ROS1: variants seen among roughly 807,000 people sequenced by gnomAD.
ROS1 encodes the protein ROS proto-oncogene 1, receptor tyrosine kinase, also known as proto-oncogene tyrosine-protein kinase ROS.
Under a neutral mutation model 273.5 loss-of-function variants are expected in ROS1, and 263 were observed. That is an observed-to-expected ratio of 0.96 (90% CI 0.87 to 1.06). The LOEUF is 1.06. Among genes scored for constraint, ROS1 ranks in the 50% least tolerant of loss-of-function variants. The probability of loss-of-function intolerance (pLI) is 0.00; values close to 1 mark genes in which losing one functional copy is unlikely to be tolerated. For missense variants in ROS1, 2,833 were observed against 2,751.1 expected (o/e 1.03, Z -0.67); for synonymous variants, 1,008 against 954.1 (o/e 1.06, Z -1.04).
intron 4 of ROS1, among the ~76,000 whole-genome samples, chr6:117,413,448 GTCAAATAACCT>G (rs1775088417): frequency 6.6e-6 from 1 of 152,076 alleles, no homozygotes; most frequent in Non-Finnish European, 1.5e-5. Context: ...ATCATCTATT[GTCAAATAACCT>G]TATTTTGAAG....
rs1406822842 is a variant in ROS1, at chr6:117,344,150, A to G, written c.4416T>C (p.Tyr1472=). 4.3e-6 allele frequency: 7 copies of G among 1,613,858 alleles called. No homozygotes were observed. The highest frequency in any genetic ancestry group is 1.6e-4 in the Middle Eastern group (1 of 6,082). The change falls in exon 28 of 44, where the codon TAT becomes TAC. Residue 1472 remains tyrosine, a synonymous_variant. Coordinates refer to ENST00000368507, the MANE Select transcript of ROS1 (RefSeq NM_001378902.1). ...LPLAKTNLTW[Y]GITSPTPTYL... is the part of the protein sequence containing the mutation. ...ATGTTGGAGTAGGGCTGGTGATGCC[A>G]TACCATGTGAGGTTTGTCTTGGCCA...
rs758255859 is a variant in ROS1, at chr6:117,310,251, G to A, written c.6246C>T (p.Ser2082=). 201 of 1,609,950 alleles carry A rather than the reference G, an allele frequency of 1.2e-4. 1 individual carries two copies. The Admixed American group carries it at 1.5e-3, about 12-fold the overall frequency. Residue 2082 remains serine (S), a synonymous_variant, in exon 41 of 44, where the codon TCC becomes TCT. Transcript: ENST00000368507. ...RDLAARNCLV[S]VKDYTSPRIV... The stretch of plus-strand genomic sequence containing the variant: ...TCCGTGGACTGGTATAGTCTTTCAC[G>A]GAAACAAGGCAATTTCTAGCTGCCA...
intron 16 of ROS1, 94 bp downstream of exon 16, chr6:117,385,589 C>A: frequency 2.0e-6 from 2 of 1,006,660 alleles, no homozygotes; most frequent in South Asian, 1.6e-5. Context: ...AAGTGGTGCA[C>A]AGGTATTTAA....
chr6:117,309,159 C>A (rs1338629470), intron 41 of ROS1, among the ~76,000 whole-genome samples: 2 of 152,182 alleles, frequency 1.3e-5, no homozygotes, highest in Non-Finnish European at 2.9e-5. Flanking sequence ...GGAGGAGGCA[C>A]ACATGTGCAC....
At chr6:117,326,124 TATAG>T (rs2128581235) in intron 34 of ROS1, 96 bp downstream of exon 34, 1 of 298,970 alleles carries the variant, frequency 3.3e-6, no homozygotes. Context: ...TATATATATA[TATAG>T]TCACCATTAT....
chr6:117,296,510 T>C (rs1774254143), intron 43 of ROS1, among the ~76,000 whole-genome samples: 1 of 152,172 alleles, frequency 6.6e-6, no homozygotes, highest in Admixed American at 6.5e-5. Flanking sequence ...AGAATATGTA[T>C]GGAACTGGAG....
Position 117,356,559 on chromosome 6 carries a change from C to T in ROS1, c.4126+70G>A, listed in dbSNP as rs79223156. ...TATTTGAGTATACGCGGAATGCAAG[C>T]CCTTTGTAAATGCAGTTGAAGGGGC... is the stretch of plus-strand genomic sequence containing the variant. On this transcript the variant is annotated intron_variant, in intron 26 of 43. Coordinates refer to ENST00000368507, the MANE Select transcript of ROS1 (RefSeq NM_001378902.1). 4.9e-3 allele frequency: 6,675 copies of T among 1,367,246 alleles called. 150 individuals carry two copies. The African/African-American group carries it at 0.058, about 12-fold the overall frequency. The allele number at this position is 1,367,246 out of a possible 1,614,324, so 84.7% of individuals were successfully genotyped here.
At chr6:117,309,008 C>G (rs2128546694) in intron 41 of ROS1, 80 bp from the exon 42 acceptor site, 1 of 1,414,762 alleles carries the variant, frequency 7.1e-7, no homozygotes, top group Non-Finnish European at 9.8e-7. Context: ...CAACATTTTT[C>G]CTGGGGCTAG....
At chr6:117,320,963 C>T (rs532689061) in intron 36 of ROS1, among the ~76,000 whole-genome samples, 2 of 152,238 alleles carry the variant, frequency 1.3e-5, no homozygotes, top group South Asian at 2.1e-4. Context: ...GGTCAACCAA[C>T]CATGTTACCA....
intron 34 of ROS1, 137 bp from the exon 35 acceptor site, chr6:117,324,552 A>G (rs1776505404): frequency 3.6e-6 from 2 of 563,190 alleles, no homozygotes; most frequent in Non-Finnish European, 6.3e-6. Context: ...GACCGTTGGT[A>G]GCTTGAAAGC....
chr6:117,402,115 C>CAG (rs1773996929), intron 7 of ROS1, among the ~76,000 whole-genome samples: 1 of 152,248 alleles, frequency 6.6e-6, no homozygotes. Context: ...CAAAACCTTA[C>CAG]AGTGACTCTC....
chr6:117,324,519 G>T (rs2128575612), intron 34 of ROS1, 104 bp from the exon 35 acceptor site: 1 of 587,928 alleles, frequency 1.7e-6, no homozygotes, highest in Admixed American at 3.6e-5. Context: ...AGCTACTACT[G>T]GATTTTTGCA....
At chr6:117,329,780 G>A (rs985550287) in intron 32 of ROS1, among the ~76,000 whole-genome samples, 2 of 152,008 alleles carry the variant, frequency 1.3e-5, no homozygotes, top group East Asian at 1.9e-4. Flanking sequence ...CAAGGGGAGC[G>A]GCGAGCGAGC....
Position 117,356,845 on chromosome 6 carries a change from A to C in ROS1, c.3910T>G (p.Leu1304Val), listed in dbSNP as rs768246519. ...MFYYSIISHT[L>V]HRILQPTATN... is the part of the protein sequence containing the mutation. ...GCTGTGGGTTGCAGAATTCGGTGCA[A>C]GGTGTGACTGATAATACTGTAGTAG... is the stretch of plus-strand genomic sequence containing the variant. The change falls in exon 26 of 44, where the codon TTG (leucine) becomes GTG (valine). Residue 1304 changes from leucine to valine, a missense_variant. Physicochemically the swap from Leu to Val is conservative, Grantham distance 32. Coordinates refer to ENST00000368507, the MANE Select transcript of ROS1 (RefSeq NM_001378902.1). 6.2e-7 allele frequency: 1 copy of C among 1,612,536 alleles called. No individual in the cohort carries two copies. Among genetic ancestry groups the C allele is most frequent in the Non-Finnish European group, 8.5e-7 (1 of 1,179,174 alleles).
Position 117,319,948 on chromosome 6 carries a change from C to T in ROS1, c.5842G>A (p.Gly1948Arg). ...CCTTCATACACTTCTCCAAAGGCTC[C>T]ACTTCCCAGCAAGAGACGCAGAGTC... ...KLTLRLLLGS[G>R]AFGEVYEGTA... The change falls in exon 37 of 44, where the codon GGA becomes AGA. Residue 1948 changes from glycine to arginine, a missense_variant. Coordinates refer to ENST00000368507, the MANE Select transcript of ROS1 (RefSeq NM_001378902.1). The T allele has an allele frequency of 6.2e-7, 1 of 1,613,504 alleles. No individual in the cohort carries two copies. Among genetic ancestry groups the T allele is most frequent in the Non-Finnish European group, 8.5e-7 (1 of 1,179,634 alleles).
chr6:117,397,195 TG>T (rs1488720699), intron 7 of ROS1, 79 bp from the exon 8 acceptor site: 84 of 998,308 alleles, frequency 8.4e-5, no homozygotes, highest in African/African-American at 1.2e-4. Flanking sequence ...AAAAAAGTCT[TG>T]TTTTTTTTTT....
chr6:117,425,558 G>A lies in ROS1; in HGVS notation c.99C>T (p.Cys33=), dbSNP rs772655569. ...CCAGATTAGTTACACACGACTTTAG[G>A]CAGCTATTTAAAACTGTACACTGCA... ...SVVQCTVLNS[C]LKSCVTNLGQ... Residue 33 remains cysteine, a synonymous_variant, in exon 1 of 44, where the codon TGC becomes TGT. Coordinates refer to ENST00000368507, the MANE Select transcript of ROS1 (RefSeq NM_001378902.1). 5 of 1,600,888 alleles carry A rather than the reference G, an allele frequency of 3.1e-6. No individual in the cohort carries two copies. The Admixed American group carries it at 5.3e-5, about 17-fold the overall frequency.
chr6:117,383,652 G>T, intron 16 of ROS1, 144 bp from the exon 17 acceptor site: 1 of 687,842 alleles, frequency 1.5e-6, no homozygotes. Flanking sequence ...GTGCTGGGTA[G>T]TGTAATAAGC....
chr6:117,360,206 C>A (rs1194661371), intron 23 of ROS1, 136 bp downstream of exon 23: 8 of 806,080 alleles, frequency 9.9e-6, no homozygotes, highest in Non-Finnish European at 1.3e-5. Flanking sequence ...GTGTTGGGGT[C>A]AAAAACATGT....
Sources: allele counts gnomAD v4.1 joint callset (sites outside exome capture counted in the v4.1 genomes callset), GRCh38; gene constraint gnomAD v4.1.1; transcripts MANE v1.5; gene names NCBI Gene and HGNC (gene_info 2026-07-23, HGNC 2026-07-21).